The following CAPRIN2 variants were observed in gnomAD, a reference collection of about 807,000 sequenced individuals.
The protein encoded by CAPRIN2 is caprin-2.
CAPRIN2 carries 66 observed loss-of-function variants against 130.4 expected under a neutral mutation model. The observed-to-expected ratio is 0.51, with a 90% CI of 0.42 to 0.62. The LOEUF (loss-of-function observed/expected upper bound fraction) is 0.62. Ranked by LOEUF, CAPRIN2 falls within the 20% of genes least tolerant of loss-of-function variation. CAPRIN2 has a pLI of 0.00. For missense variants in CAPRIN2, 1,185 were observed against 1,246.6 expected, an observed-to-expected ratio of 0.95 and a Z score of 0.74; for synonymous variants, 471 against 444.1, an observed-to-expected ratio of 1.06 and a Z score of -0.76.
chr12:30,724,520 T>A, intron 9 of CAPRIN2, 69 bp from the exon 11 acceptor site: 1 of 1,018,118 alleles, frequency 9.8e-7, no homozygotes. Context: ...ACCATTGAAT[T>A]ATTCATGATG....
intron 12 of CAPRIN2, among the ~76,000 whole-genome samples, chr12:30,718,530 C>T (rs764342777): frequency 1.3e-5 from 2 of 152,130 alleles, no homozygotes; most frequent in Admixed American, 1.3e-4. Context: ...AATAAACATA[C>T]CAAACTAGCT....
At position 30,719,267 on chromosome 12, in the gene CAPRIN2, T is replaced by C. The variant is rs1308049756; in HGVS notation, c.2148+1544A>G. On this transcript the variant is annotated intron_variant, in intron 12 of 16. Coordinates refer to ENST00000298892, the Ensembl canonical transcript of CAPRIN2. ...CAGCATCAGCCAATCACCTGCCATA[T>C]AACAAGCAGTTAACTTACTCTAAAA... 2.5e-6 allele frequency: 4 copies of C among 1,608,038 alleles called. No individual in the cohort carries two copies. The African/African-American group carries it at 5.3e-5, about 21-fold the overall frequency.
intron 15 of CAPRIN2, among the ~76,000 whole-genome samples, chr12:30,712,845 G>A (rs1279465514): frequency 1.3e-5 from 2 of 148,180 alleles, no homozygotes. Flanking sequence ...AGGTTCAAGC[G>A]ATTCTCCTGC....
At chr12:30,735,697 T>C (rs921320320) in intron 3 of CAPRIN2, among the ~76,000 whole-genome samples, 4 of 152,304 alleles carry the variant, frequency 2.6e-5, no homozygotes, top group Middle Eastern at 3.4e-3. Flanking sequence ...CCAAGTGTAA[T>C]GCCAAAAACC....
intron 3 of CAPRIN2, among the ~76,000 whole-genome samples, chr12:30,740,196 G>A (rs1424200773): frequency 6.6e-6 from 1 of 152,082 alleles, no homozygotes; most frequent in African/African-American, 2.4e-5. Flanking sequence ...TTCAGCCCAG[G>A]ATTATAAGCC....
intron 2 of CAPRIN2, among the ~76,000 whole-genome samples, chr12:30,744,969 C>T (rs963769037): frequency 2.6e-5 from 4 of 152,060 alleles, no homozygotes; most frequent in Admixed American, 6.6e-5. Flanking sequence ...AAAGACACCA[C>T]GGACAAGAGG....
chr12:30,716,639 T>C, exon 13 of CAPRIN2: 2 of 1,614,012 alleles, frequency 1.2e-6, no homozygotes, highest in Admixed American at 1.7e-5. Context: ...TATTTCTTGT[T>C]CTTTTCGTGG....
At chr12:30,721,532 G>C (rs554088778) in intron 11 of CAPRIN2, among the ~76,000 whole-genome samples, 35 of 152,308 alleles carry the variant, frequency 2.3e-4, no homozygotes, top group African/African-American at 8.2e-4. Flanking sequence ...AAAAAGTTGT[G>C]ACAACTGTAA....
At chr12:30,732,705 G>A (rs2063143673) in intron 5 of CAPRIN2, among the ~76,000 whole-genome samples, 1 of 151,954 alleles carries the variant, frequency 6.6e-6, no homozygotes, top group Non-Finnish European at 1.5e-5. Context: ...CATCTATGTT[G>A]TTACATGTAT....
intron 10 of CAPRIN2, among the ~76,000 whole-genome samples, chr12:30,723,885 T>C (rs2060142715): frequency 1.3e-5 from 2 of 152,254 alleles, no homozygotes; most frequent in Admixed American, 6.5e-5. Flanking sequence ...ACTAGCTTTA[T>C]GTCACTCCTC....
intron 6 of CAPRIN2, 135 bp from the exon 8 acceptor site, chr12:30,730,417 G>T (rs1414604447): frequency 3.1e-6 from 2 of 644,648 alleles, no homozygotes; most frequent in East Asian, 5.5e-5. Flanking sequence ...CAAGTATATT[G>T]ATGGCAAGAG....
At chr12:30,743,525 G>A (rs941050202) in intron 2 of CAPRIN2, among the ~76,000 whole-genome samples, 2 of 152,068 alleles carry the variant, frequency 1.3e-5, no homozygotes, top group Non-Finnish European at 2.9e-5. Flanking sequence ...GCACACTCCT[G>A]CTCTACAGAC....
chr12:30,716,637 G>C lies in CAPRIN2; in HGVS notation c.2188C>G (p.Gln730Glu), dbSNP rs148110140. The change falls in exon 13 of 17, where the codon CAA becomes GAA. Residue 730 changes from glutamine to glutamate, a missense_variant. Gln to Glu is a conservative substitution (Grantham distance 29). Transcript: ENST00000298892. ...GAATAAGGGGATTCTTTTATTTCTT[G>C]TTCTTTTCGTGGAGGCAGAGGTGCA... 54 of 1,613,734 alleles carry C rather than the reference G, an allele frequency of 3.3e-5. No individual in the cohort carries two copies. Among genetic ancestry groups the C allele is most frequent in the Non-Finnish European group, 4.4e-5 (52 of 1,179,854 alleles).
At chr12:30,752,997 G>A (rs1220263418) in intron 1 of CAPRIN2, among the ~76,000 whole-genome samples, 1 of 152,176 alleles carries the variant, frequency 6.6e-6, no homozygotes, top group Non-Finnish European at 1.5e-5. Flanking sequence ...ATCAACTGCT[G>A]CAGAAAGTCA....
rs962537429 is a variant in CAPRIN2, at chr12:30,733,541, A to C, written c.892+88T>G. On this transcript the variant is annotated intron_variant, in intron 5 of 16. Coordinates refer to ENST00000298892, the Ensembl canonical transcript of CAPRIN2. ...TCAGACATGTAAGTTCTGATGGACT[A>C]ACACAGTTTAGACCCTCAATATCAT... 4 of 846,660 alleles carry C rather than the reference A, an allele frequency of 4.7e-6. No homozygotes were observed. The African/African-American group carries it at 6.6e-5, about 14-fold the overall frequency. 52.4% of individuals were successfully genotyped at this position (846,660 alleles called of 1,614,324 possible).
chr12:30,724,354 T>C lies in CAPRIN2; in HGVS notation c.1987+16A>G. On this transcript the variant is annotated intron_variant, in intron 10 of 16. Transcript: ENST00000298892. ...GCTCAAGACGTTTGCTCCAAGTCTT[T>C]AGAATGATTACATACCTACGGGGCT... The C allele has an allele frequency of 6.5e-7, 1 of 1,545,616 alleles. No homozygotes were observed. Among genetic ancestry groups the C allele is most frequent in the Non-Finnish European group, 8.9e-7 (1 of 1,117,906 alleles).
exon 10 of CAPRIN2, chr12:30,724,401 T>C (rs759069987): frequency 1.7e-5 from 27 of 1,613,244 alleles, no homozygotes; most frequent in South Asian, 7.7e-5. Flanking sequence ...CTGAAGGCGG[T>C]TGTGACGTTG....
rs767191891 is a variant in CAPRIN2 at position 30,741,153 on chromosome 12, T to C, written c.484-47A>G. ...CATAAATTTTGTGACTGTTTAAGTATAAATATGTGAAAATAATGTTTCTTA... is the reference window on the plus strand; with the variant it reads ...CATAAATTTTGTGACTGTTTAAGTACAAATATGTGAAAATAATGTTTCTTA... On this transcript the variant is annotated intron_variant, in intron 2 of 16. Coordinates refer to ENST00000298892, the Ensembl canonical transcript of CAPRIN2. 8 of 1,111,682 alleles carry C rather than the reference T, an allele frequency of 7.2e-6. No homozygotes were observed. In the African/African-American group the frequency reaches 7.9e-5, roughly 11 times the overall value. 68.9% of individuals were successfully genotyped at this position (1,111,682 alleles called of 1,614,324 possible).
In CAPRIN2 at chr12:30,726,092, C is replaced by T. The variant is rs766787772; in HGVS notation, c.1783-4G>A. 3 of 1,509,144 alleles carry T rather than the reference C, an allele frequency of 2.0e-6. No homozygotes were observed. Among genetic ancestry groups the T allele is most frequent in the South Asian group, 2.7e-5 (2 of 73,332 alleles). 93.5% of individuals were successfully genotyped at this position (1,509,144 alleles called of 1,614,324 possible). A position where few individuals can be genotyped will look rare whatever the true frequency, so the allele number is the denominator to read the frequency against. On this transcript the variant is annotated splice_region_variant and splice_polypyrimidine_tract_variant and intron_variant, in intron 8 of 16. Transcript: ENST00000298892. ...GCTGATGCACAGGCTTAGGCACCTA[C>T]AAGATAAACCCATAATGTGTAAGAG... is the stretch of plus-strand genomic sequence containing the variant.
Sources: allele counts gnomAD v4.1 joint callset (sites outside exome capture counted in the v4.1 genomes callset), GRCh38; gene constraint gnomAD v4.1.1; transcripts MANE v1.5; gene names NCBI Gene and HGNC (gene_info 2026-07-23, HGNC 2026-07-21).